BCAR3: variants seen among roughly 807,000 people sequenced by gnomAD.
BCAR3 encodes breast cancer anti-estrogen resistance protein 3.
In BCAR3, 37 loss-of-function variants were observed where a neutral mutation model predicts 80.1. The observed-to-expected ratio is 0.46, with a 90% confidence interval of 0.36 to 0.61. The LOEUF (loss-of-function observed/expected upper bound fraction) is 0.61. Among genes scored for constraint, BCAR3 ranks in the 20% least tolerant of loss-of-function variants. The pLI, the probability that BCAR3 is intolerant of heterozygous loss-of-function variation, is 0.00. For synonymous variants in BCAR3, 389 were observed against 418.9 expected (o/e 0.93, Z 0.87); for missense variants, 978 against 1,068.2 (o/e 0.92, Z 1.18).
chr1:93,567,139 T>C, intron 11 of BCAR3, 140 bp downstream of exon 11: 2 of 1,017,560 alleles, frequency 2.0e-6, no homozygotes, highest in Non-Finnish European at 2.8e-6. Context: ...AAGTAATAAC[T>C]AGCCATATAG....
intron 11 of BCAR3, among the ~76,000 whole-genome samples, chr1:93,567,048 T>G (rs1672981527): frequency 6.6e-6 from 1 of 152,098 alleles, no homozygotes; most frequent in African/African-American, 2.4e-5. Flanking sequence ...CTTGACCCCT[T>G]CTCTCTGTTT....
chr1:93,700,674 C>T lies in BCAR3; in HGVS notation c.-12+5418G>A, dbSNP rs899286973. On this transcript the variant is annotated intron_variant, in intron 3 of 13. Transcript: ENST00000370244. Reference sequence around the variant, plus strand: ...GCACCTCACACATCTAGTAGCACTCCGGCAACGACTCTGAATACTCCCTGC... The same window carrying T: ...GCACCTCACACATCTAGTAGCACTCTGGCAACGACTCTGAATACTCCCTGC... Among the ~76,000 whole-genome samples the T allele has an allele frequency of 3.9e-5, 6 of 152,134 alleles. No individual in the cohort carries two copies. In the East Asian group the frequency reaches 5.8e-4, roughly 15 times the overall value.
intron 2 of BCAR3, among the ~76,000 whole-genome samples, chr1:93,802,780 C>T (rs921688443): frequency 1.3e-5 from 2 of 152,162 alleles, no homozygotes; most frequent in Non-Finnish European, 2.9e-5. Context: ...TCTTGTGGCC[C>T]ACCTTCTGAA....
intron 2 of BCAR3, among the ~76,000 whole-genome samples, chr1:93,808,251 G>C (rs1427478614): frequency 6.6e-6 from 1 of 151,880 alleles, no homozygotes; most frequent in African/African-American, 2.4e-5. Flanking sequence ...CAGAACAAAT[G>C]AATCAAAAAG....
chr1:93,702,854 G>A (rs1168752572), intron 3 of BCAR3, among the ~76,000 whole-genome samples: 1 of 152,182 alleles, frequency 6.6e-6, no homozygotes, highest in Admixed American at 6.5e-5. Context: ...ATCCCCTTAG[G>A]AAAACTCATG....
At position 93,567,703 on chromosome 1, in the gene BCAR3, C is replaced by T. The variant is rs201811224; in HGVS notation, c.2086+37G>A. The T allele has an allele frequency of 2.6e-4, 407 of 1,570,296 alleles. No individual in the cohort carries two copies. The African/African-American group carries it at 3.9e-3, about 15-fold the overall frequency. The stretch of plus-strand genomic sequence containing the variant: ...TGTGTACTTGTACTCCACTCCCCAG[C>T]GGGGTAGCCCCATGCTTGCTCTGCC... On this transcript the variant is annotated intron_variant, in intron 10 of 11. Coordinates refer to ENST00000260502, the MANE Select transcript of BCAR3 (RefSeq NM_003567.4).
At chr1:93,595,527 T>C (rs1327624292) in intron 3 of BCAR3, among the ~76,000 whole-genome samples, 1 of 152,224 alleles carries the variant, frequency 6.6e-6, no homozygotes, top group East Asian at 1.9e-4. Flanking sequence ...GATCACCCCA[T>C]ATGGCCACCT....
At chr1:93,671,044 G>C (rs1301565693) in intron 2 of BCAR3, among the ~76,000 whole-genome samples, 2 of 152,104 alleles carry the variant, frequency 1.3e-5, no homozygotes, top group African/African-American at 2.4e-5. Flanking sequence ...CCAAGGCAGA[G>C]TGCAGTGGCG....
intron 3 of BCAR3, among the ~76,000 whole-genome samples, chr1:93,638,500 G>C (rs946154054): frequency 6.6e-6 from 1 of 152,194 alleles, no homozygotes; most frequent in African/African-American, 2.4e-5. Context: ...GCAGTGAGTA[G>C]GTTGAGCAGT....
intron 2 of BCAR3, among the ~76,000 whole-genome samples, chr1:93,661,678 G>C (rs149276696): frequency 6.7e-6 from 1 of 149,636 alleles, no homozygotes; most frequent in Non-Finnish European, 1.5e-5. Flanking sequence ...TAATAGAGAC[G>C]GGGTTTCACC....
chr1:93,812,575 C>T (rs1653885644), intron 2 of BCAR3, among the ~76,000 whole-genome samples: 1 of 152,214 alleles, frequency 6.6e-6, no homozygotes, highest in Non-Finnish European at 1.5e-5. Context: ...AGAAGGCCCT[C>T]CTCTACCCCA....
intron 2 of BCAR3, among the ~76,000 whole-genome samples, chr1:93,717,085 G>T (rs1032251915): frequency 1.3e-5 from 2 of 152,214 alleles, no homozygotes; most frequent in South Asian, 2.1e-4. Flanking sequence ...TCAAGAAACC[G>T]CACAGTATCT....
At chr1:93,563,982 C>A (rs997817280) in intron 11 of BCAR3, among the ~76,000 whole-genome samples, 4 of 152,146 alleles carry the variant, frequency 2.6e-5, no homozygotes, top group African/African-American at 9.7e-5. Context: ...ACATTAGCCA[C>A]CGTGCCTGGC....
At chr1:93,617,768 T>C (rs1312232773) in intron 3 of BCAR3, among the ~76,000 whole-genome samples, 1 of 152,064 alleles carries the variant, frequency 6.6e-6, no homozygotes, top group Non-Finnish European at 1.5e-5. Context: ...CCCTGGGAAG[T>C]AGGCAATGAT....
At chr1:93,785,968 C>T (rs190209863) in intron 2 of BCAR3, among the ~76,000 whole-genome samples, 3,031 of 115,542 alleles carry the variant, frequency 0.026, 230 homozygotes, top group Non-Finnish European at 0.035. Context: ...CCGAGGCGGG[C>T]GGATCATGAG....
chr1:93,571,525 C>T, intron 9 of BCAR3, 145 bp downstream of exon 9: 1 of 1,061,698 alleles, frequency 9.4e-7, no homozygotes, highest in Non-Finnish European at 1.4e-6. Context: ...ACCCCAAATA[C>T]TTAGGACACT....
chr1:93,826,810 G>A lies in BCAR3; in HGVS notation c.-63+18757C>T, dbSNP rs191410573. ...GAGGTAGGGGTGTGTGTGTGTGTGC[G>A]TGCATGTGTGCATGCACGTGTGTGT... On this transcript the variant is annotated intron_variant, in intron 2 of 13. Transcript: ENST00000370244. 4.2e-3 allele frequency among the ~76,000 whole-genome samples: 639 copies of A among 152,174 alleles called. 3 individuals are homozygous for A. The highest frequency in any genetic ancestry group is 6.0e-3 in the Non-Finnish European group (409 of 67,996).
chr1:93,829,530 G>A (rs1486030587), intron 2 of BCAR3, among the ~76,000 whole-genome samples: 1 of 149,896 alleles, frequency 6.7e-6, no homozygotes, highest in African/African-American at 2.5e-5. Flanking sequence ...TTTATTAAAG[G>A]AAAATTCCAC....
intron 3 of BCAR3, among the ~76,000 whole-genome samples, chr1:93,704,410 A>G (rs1649764004): frequency 6.6e-6 from 1 of 152,232 alleles, no homozygotes; most frequent in South Asian, 2.1e-4. Context: ...TGCTCATTAC[A>G]TGCATCTATA....
Sources: gnomAD v4.1 joint callset for allele counts (sites outside exome capture counted in the v4.1 genomes callset) on GRCh38, gnomAD v4.1.1 for gene constraint, MANE v1.5 for transcripts, NCBI Gene and HGNC (gene_info 2026-07-23, HGNC 2026-07-21) for gene names.